GPR137C: variants seen among roughly 807,000 people sequenced by gnomAD.
GPR137C encodes the protein integral membrane protein GPR137C.
A neutral mutation model predicts 43.4 loss-of-function variants in GPR137C; 27 were observed. The ratio of observed to expected loss-of-function variants is 0.62; its 90% CI spans 0.46 to 0.86. The LOEUF is 0.86. Ranked by LOEUF, GPR137C falls within the 40% of genes least tolerant of loss-of-function variation. The pLI, the probability that GPR137C is intolerant of heterozygous loss-of-function variation, is 0.00. For synonymous variants in GPR137C, 285 were observed against 226.9 expected (o/e 1.26, Z -2.30); for missense variants, 522 against 534.6 (o/e 0.98, Z 0.23).
intron 3 of GPR137C, among the ~76,000 whole-genome samples, chr14:52,601,758 C>T (rs2038928630): frequency 6.6e-6 from 1 of 151,798 alleles, no homozygotes; most frequent in Admixed American, 6.6e-5. Flanking sequence ...ATACCTGTTG[C>T]TTGTCTAGGG....
chr14:52,625,787 C>T (rs1472438135), intron 3 of GPR137C, among the ~76,000 whole-genome samples: 1 of 151,826 alleles, frequency 6.6e-6, no homozygotes, highest in South Asian at 2.1e-4. Flanking sequence ...ATCTCCTGAT[C>T]TTGTGATCCA....
chr14:52,577,049 G>C (rs532796241), intron 1 of GPR137C, among the ~76,000 whole-genome samples: 4 of 108,136 alleles, frequency 3.7e-5, no homozygotes, highest in African/African-American at 9.3e-5. Context: ...AACTAGCCAG[G>C]CGTGGTGCTG....
At chr14:52,576,034 T>C (rs1267999910) in intron 1 of GPR137C, among the ~76,000 whole-genome samples, 4 of 152,158 alleles carry the variant, frequency 2.6e-5, no homozygotes, top group African/African-American at 4.8e-5. Context: ...CTGACTTTAC[T>C]CAGTCCCCAG....
Position 52,600,134 on chromosome 14 carries a change from T to C in GPR137C, c.510T>C (p.Phe170=), listed in dbSNP as rs373321966. Residue 170 remains phenylalanine (F), a synonymous_variant, in exon 3 of 7, where the codon TTT becomes TTC. Transcript: ENST00000321662. The stretch of plus-strand genomic sequence containing the variant: ...TCAGAATTCTACTGCATTTGGGCTT[T>C]ATAATGGCAAGCCTGCTCTTTTTAG... The part of the protein sequence containing the change: ...DRHKILLHLG[F]IMASLLFLVV... 18 of 1,613,600 alleles carry C rather than the reference T, an allele frequency of 1.1e-5. No homozygotes were observed. The African/African-American group carries it at 2.4e-4, about 22-fold the overall frequency.
intron 1 of GPR137C, among the ~76,000 whole-genome samples, chr14:52,580,082 C>G (rs1255424128): frequency 1.3e-5 from 2 of 152,148 alleles, no homozygotes; most frequent in African/African-American, 4.8e-5. Context: ...CCATGTTAAC[C>G]TTTTTCTGCA....
chr14:52,609,274 ATCT>A (rs1162124937), intron 3 of GPR137C, among the ~76,000 whole-genome samples: 1 of 151,526 alleles, frequency 6.6e-6, no homozygotes, highest in Non-Finnish European at 1.5e-5. Flanking sequence ...TATTATTTCA[ATCT>A]CTATATTAAA....
Position 52,633,519 on chromosome 14 carries a change from T to C in GPR137C, c.868-11T>C, listed in dbSNP as rs754962318. The C allele has an allele frequency of 1.2e-5, 20 of 1,609,684 alleles. No homozygotes were observed. Among genetic ancestry groups the C allele is most frequent in the Non-Finnish European group, 1.5e-5 (18 of 1,177,064 alleles). ...CAGATGTAAAAATTCTCTGCCATGC[T>C]CTATTTACAGGCTCATGTAGAAGAC... On this transcript the variant is annotated splice_polypyrimidine_tract_variant and intron_variant, in intron 4 of 6. Transcript: ENST00000321662.
At chr14:52,586,273 A>G (rs1169012122) in intron 1 of GPR137C, among the ~76,000 whole-genome samples, 1 of 152,214 alleles carries the variant, frequency 6.6e-6, no homozygotes, top group African/African-American at 2.4e-5. Flanking sequence ...AACATGAGAC[A>G]TTCATAGAGA....
At chr14:52,623,224 A>G (rs2039180622) in intron 3 of GPR137C, among the ~76,000 whole-genome samples, 2 of 151,586 alleles carry the variant, frequency 1.3e-5, no homozygotes, top group Admixed American at 6.6e-5. Context: ...GTTTGTAGAC[A>G]AAACATTAAC....
rs141171005 is a variant in GPR137C, at chr14:52,632,135, AGAT to A, written c.718-18_718-16del. The stretch of plus-strand genomic sequence containing the variant: ...TCGTGACAAATGTGTAGAATACTAA[AGAT>A]GATGATTTTTATTTGTTTTAGGGTA... On this transcript the variant is annotated intron_variant, in intron 3 of 6. Transcript: ENST00000321662. 3.9e-3 allele frequency: 6,108 copies of A among 1,564,572 alleles called. 19 individuals are homozygous for A. The highest frequency in any genetic ancestry group is 4.9e-3 in the Non-Finnish European group (5,620 of 1,137,220).
At chr14:52,631,753 C>G (rs981285025) in intron 3 of GPR137C, among the ~76,000 whole-genome samples, 1 of 152,112 alleles carries the variant, frequency 6.6e-6, no homozygotes, top group Non-Finnish European at 1.5e-5. Context: ...AACTCTATTT[C>G]TATTCTAATT....
At chr14:52,618,303 C>G (rs1335769909) in intron 3 of GPR137C, among the ~76,000 whole-genome samples, 25 of 152,006 alleles carry the variant, frequency 1.6e-4, no homozygotes, top group Admixed American at 1.6e-3. Flanking sequence ...CATTTTTGTT[C>G]TGAAATCTCA....
intron 1 of GPR137C, among the ~76,000 whole-genome samples, chr14:52,585,350 C>T (rs1307804021): frequency 2.0e-5 from 3 of 152,092 alleles, no homozygotes; most frequent in Non-Finnish European, 4.4e-5. Context: ...AACAATTAAA[C>T]TAACTCTCTC....
intron 4 of GPR137C, among the ~76,000 whole-genome samples, 199 bp downstream of exon 4, chr14:52,632,508 C>G (rs946446253): frequency 2.0e-5 from 3 of 152,058 alleles, no homozygotes; most frequent in Non-Finnish European, 4.4e-5. Flanking sequence ...GAACTTCTCT[C>G]AAAGGAGTAT....
In GPR137C at chr14:52,635,145, G is replaced by C. The variant is rs369204749; in HGVS notation, c.*30G>C. ...ATCACCAAGTCATGATTCTTGAGTT[G>C]TTTTTCATAAATGTGTATATTCAAT... On this transcript the variant is annotated 3_prime_UTR_variant, in exon 7 of 7. Coordinates refer to ENST00000321662, the MANE Select transcript of GPR137C (RefSeq NM_001099652.2). 21 of 1,506,150 alleles carry C rather than the reference G, an allele frequency of 1.4e-5. No individual in the cohort carries two copies. The highest frequency in any genetic ancestry group is 1.9e-5 in the Non-Finnish European group (21 of 1,123,974). The allele number at this position is 1,506,150 out of a possible 1,614,324, so 93.3% of individuals were successfully genotyped here. A position where few individuals can be genotyped will look rare whatever the true frequency, so the allele number is the denominator to read the frequency against.
intron 3 of GPR137C, among the ~76,000 whole-genome samples, chr14:52,628,303 T>C (rs551574726): frequency 8.5e-5 from 13 of 152,300 alleles, no homozygotes; most frequent in Admixed American, 7.2e-4. Flanking sequence ...GATATCCATA[T>C]GGAATAAAAT....
intron 3 of GPR137C, among the ~76,000 whole-genome samples, chr14:52,615,293 A>T (rs554579089): frequency 2.9e-4 from 44 of 152,154 alleles, no homozygotes; most frequent in Non-Finnish European, 8.8e-5. Context: ...TGGGTTCTCT[A>T]TTCTGTCCTA....
At chr14:52,557,281 T>C (rs2038209262) in intron 1 of GPR137C, among the ~76,000 whole-genome samples, 1 of 152,162 alleles carries the variant, frequency 6.6e-6, no homozygotes, top group Non-Finnish European at 1.5e-5. Flanking sequence ...AATATGGGGG[T>C]TAACTTTATT....
chr14:52,579,183 G>A (rs2038608235), intron 1 of GPR137C, among the ~76,000 whole-genome samples: 1 of 152,072 alleles, frequency 6.6e-6, no homozygotes, highest in Non-Finnish European at 1.5e-5. Flanking sequence ...GGTTGGGGTG[G>A]GGGAGAATCT....
Sources: gnomAD v4.1 joint callset for allele counts (sites outside exome capture counted in the v4.1 genomes callset) on GRCh38, gnomAD v4.1.1 for gene constraint, MANE v1.5 for transcripts, NCBI Gene and HGNC (gene_info 2026-07-23, HGNC 2026-07-21) for gene names.